Variants in CYGB observed in about 807,000 individuals in gnomAD.
The protein encoded by CYGB is histoglobin.
A neutral mutation model predicts 20.7 loss-of-function variants in CYGB; 13 were observed. That is an observed-to-expected ratio of 0.63 (90% CI 0.41 to 1.00). CYGB has a LOEUF of 1.00. CYGB is among the 50% of genes least tolerant of loss of function. The pLI is 0.00. For missense variants in CYGB, 218 were observed against 257.2 expected (o/e 0.85, Z 1.04); for synonymous variants, 93 against 107.4 (o/e 0.87, Z 0.83).
At chr17:76,542,793 C>T (rs896865855) in intron 1 of CYGB, among the ~76,000 whole-genome samples, 3 of 152,220 alleles carry the variant, frequency 2.0e-5, no homozygotes, top group Non-Finnish European at 4.4e-5. Context: ...CCTTTGGCTG[C>T]TACCTTGAGC....
chr17:76,544,241 C>A (rs1275409168), intron 1 of CYGB: 1 of 454,586 alleles, frequency 2.2e-6, no homozygotes, highest in East Asian at 6.9e-5. Context: ...GCCAGCCCCC[C>A]TCCCAGCCCA....
rs988621145 is a variant in CYGB, at chr17:76,537,641, G to A, written c.-99C>T. 5.2e-6 allele frequency: 5 copies of A among 966,938 alleles called. No individual in the cohort carries two copies. In the African/African-American group the frequency reaches 7.1e-5, roughly 14 times the overall value. 59.9% of individuals were successfully genotyped at this position (966,938 alleles called of 1,614,324 possible). ...CCGGGAGCCGGGGCCGGCTGCGTGC[G>A]CGGCGGGCGGGCGAGGGGTAGAGCG... On this transcript the variant is annotated 5_prime_UTR_variant, in exon 1 of 4. Transcript: ENST00000293230.
At chr17:76,544,192 AC>A (rs777880280) in intron 1 of CYGB, 5 of 449,430 alleles carry the variant, frequency 1.1e-5, no homozygotes, top group East Asian at 7.0e-5. Flanking sequence ...GTCTTCAAAA[AC>A]CCCCCGTGCC....
chr17:76,542,748 C>T, intron 1 of CYGB: 2 of 721,590 alleles, frequency 2.8e-6, no homozygotes, highest in Non-Finnish European at 5.0e-6. Context: ...GCTCTTGCCA[C>T]TGATGGAGGT....
At chr17:76,534,799 G>C (rs2074897262) in intron 1 of CYGB, among the ~76,000 whole-genome samples, 1 of 152,188 alleles carries the variant, frequency 6.6e-6, no homozygotes, top group African/African-American at 2.4e-5. Flanking sequence ...ACCCACCACC[G>C]GGTTGTGGCC....
In CYGB at chr17:76,527,783, G is replaced by A. The variant is rs779565357; in HGVS notation, c.*795C>T. 3.1e-5 allele frequency: 14 copies of A among 454,010 alleles called. No homozygotes were observed. Among genetic ancestry groups the A allele is most frequent in the African/African-American group, 2.2e-4 (11 of 50,112 alleles). 28.1% of individuals were successfully genotyped at this position (454,010 alleles called of 1,614,324 possible). A position where few individuals can be genotyped will look rare whatever the true frequency, so the allele number is the denominator to read the frequency against. On this transcript the variant is annotated 3_prime_UTR_variant, in exon 4 of 4. Coordinates refer to ENST00000293230, the MANE Select transcript of CYGB (RefSeq NM_134268.5). ...TGGACTGAGGCCCCTCCCCCAGTGC[G>A]GTCATCCCACCCAGAACTTCGCTCT...
At chr17:76,529,443 G>A (rs2074807618) in intron 3 of CYGB, 3 of 985,468 alleles carry the variant, frequency 3.0e-6, no homozygotes, top group African/African-American at 1.7e-5. Flanking sequence ...TAGTCCCTAG[G>A]GCAGGGTGGG....
At chr17:76,548,021 TAC>T (rs1006860390) in intron 1 of CYGB, among the ~76,000 whole-genome samples, 11 of 151,042 alleles carry the variant, frequency 7.3e-5, no homozygotes, top group South Asian at 2.1e-4. Flanking sequence ...TACACATGCA[TAC>T]ACAGACATAC....
chr17:76,540,987 G>A (rs1368469851), upstream of CYGB, among the ~76,000 whole-genome samples: 2 of 152,182 alleles, frequency 1.3e-5, no homozygotes, highest in African/African-American at 2.4e-5. The surrounding 1 kb of genome is among the most constrained non-coding windows in gnomAD (Gnocchi z 5.0). Context: ...AGCAGGATTC[G>A]CTGTCCAGTC....
rs939688942 is a variant in CYGB, at chr17:76,530,741, C to G, written c.539+238G>C. Among the ~76,000 whole-genome samples, 4 of 152,130 alleles carry G rather than the reference C, an allele frequency of 2.6e-5. No individual in the cohort carries two copies. Among genetic ancestry groups the G allele is most frequent in the Admixed American group, 2.6e-4 (4 of 15,270 alleles). On this transcript the variant is annotated intron_variant, in intron 3 of 3. Coordinates refer to ENST00000293230, the MANE Select transcript of CYGB (RefSeq NM_134268.5). This position sits in a 1 kb window ranked among gnomAD's most constrained non-coding sequence, Gnocchi z 6.1. The stretch of plus-strand genomic sequence containing the variant: ...CCTGGCTCTAGGGAAGGGGAAGGCT[C>G]TTTGGGAGGATTTTTGCTCAGGGCT...
intron 1 of CYGB, among the ~76,000 whole-genome samples, chr17:76,534,595 C>T (rs1598206079): frequency 6.6e-6 from 1 of 152,362 alleles, no homozygotes; most frequent in South Asian, 2.1e-4. Context: ...CCTTGCAATT[C>T]TCTCCTGAGG....
chr17:76,542,166 C>T (rs147639061), upstream of CYGB, among the ~76,000 whole-genome samples: 2 of 152,282 alleles, frequency 1.3e-5, no homozygotes, highest in Non-Finnish European at 2.9e-5. Context: ...CGATTCCAGG[C>T]AGGGTCTCTT....
chr17:76,531,254 C>G lies in CYGB; in HGVS notation c.376-112G>C, dbSNP rs1486301204. On this transcript the variant is annotated intron_variant, in intron 2 of 3. Coordinates refer to ENST00000293230, the MANE Select transcript of CYGB (RefSeq NM_134268.5). The surrounding 1 kb of genome is among the most constrained non-coding windows in gnomAD (Gnocchi z 7.4). ...AGAGGATCATTCCTAACGCAACAGT[C>G]TGGCAGCTTTGGGAACCCCGTGCTC... 8.4e-6 allele frequency: 11 copies of G among 1,314,638 alleles called. No individual in the cohort carries two copies. Among genetic ancestry groups the G allele is most frequent in the Non-Finnish European group, 1.1e-5 (11 of 956,534 alleles). 81.4% of individuals were successfully genotyped at this position (1,314,638 alleles called of 1,614,324 possible).
At position 76,531,178 on chromosome 17, in the gene CYGB, G is replaced by C. The variant is rs370736433; in HGVS notation, c.376-36C>G. 894 of 1,595,690 alleles carry C rather than the reference G, an allele frequency of 5.6e-4. 1 individual carries two copies. The highest frequency in any genetic ancestry group is 7.3e-4 in the Non-Finnish European group (856 of 1,168,354). On this transcript the variant is annotated intron_variant, in intron 2 of 3. Transcript: ENST00000293230. This position sits in a 1 kb window ranked among gnomAD's most constrained non-coding sequence, Gnocchi z 7.4. The stretch of plus-strand genomic sequence containing the variant: ...AGGGAGGAAGGGGGAGTGAACGCCC[G>C]GGCGCCCTGCGTCCTGCAACCCCCA...
In CYGB at chr17:76,531,192, C is replaced by T; in HGVS notation, c.376-50G>A. On this transcript the variant is annotated intron_variant, in intron 2 of 3. Coordinates refer to ENST00000293230, the MANE Select transcript of CYGB (RefSeq NM_134268.5). This position sits in a 1 kb window ranked among gnomAD's most constrained non-coding sequence, Gnocchi z 7.4. ...AGTGAACGCCCGGGCGCCCTGCGTC[C>T]TGCAACCCCCAGGCCCCTCCGCCCC... 3.2e-6 allele frequency: 5 copies of T among 1,574,636 alleles called. No individual in the cohort carries two copies. The highest frequency in any genetic ancestry group is 4.3e-6 in the Non-Finnish European group (5 of 1,153,330).
upstream of CYGB, chr17:76,537,711 T>A (rs1417698924): frequency 9.1e-6 from 4 of 437,752 alleles, no homozygotes; most frequent in Non-Finnish European, 1.2e-5. Context: ...TGTGTGTGTG[T>A]GTGTGCGTGC....
Position 76,528,457 on chromosome 17 carries a change from G to A in CYGB, c.*121C>T. 1 of 971,306 alleles carries A rather than the reference G, an allele frequency of 1.0e-6. No individual in the cohort carries two copies. Among genetic ancestry groups the A allele is most frequent in the Non-Finnish European group, 1.4e-6 (1 of 730,270 alleles). The allele number at this position is 971,306 out of a possible 1,614,324, so 60.2% of individuals were successfully genotyped here. The stretch of plus-strand genomic sequence containing the variant: ...GGCCGCCACAGAGGCCTCCTTCGGG[G>A]AAGTTGAGTCAGGGATTCCTCCAGC... On this transcript the variant is annotated 3_prime_UTR_variant, in exon 4 of 4. Transcript: ENST00000293230. This position sits in a 1 kb window ranked among gnomAD's most constrained non-coding sequence, Gnocchi z 5.8.
At position 76,533,431 on chromosome 17, in the gene CYGB, AAAT is replaced by A. The variant is rs2074872386; in HGVS notation, c.144-1743_144-1741del. Among the ~76,000 whole-genome samples the A allele has an allele frequency of 6.6e-6, 1 of 152,240 alleles. No individual in the cohort carries two copies. Among genetic ancestry groups the A allele is most frequent in the Non-Finnish European group, 1.5e-5 (1 of 68,048 alleles). ...TTGGAGGTTTTACAATTGCAATAAA[AAAT>A]AATGATATGGCCGGGCACGGTGGCT... On this transcript the variant is annotated intron_variant, in intron 1 of 3. Coordinates refer to ENST00000293230, the MANE Select transcript of CYGB (RefSeq NM_134268.5). The surrounding 1 kb of genome is among the most constrained non-coding windows in gnomAD (Gnocchi z 4.5).
intron 1 of CYGB, chr17:76,544,469 G>A: frequency 2.2e-6 from 1 of 455,570 alleles, no homozygotes; most frequent in Non-Finnish European, 4.4e-6. Flanking sequence ...ACCTCGGGGA[G>A]CCTGGCTGGG....
Sources: gnomAD v4.1 joint callset for allele counts (sites outside exome capture counted in the v4.1 genomes callset) on GRCh38, gnomAD v4.1.1 for gene constraint, Gnocchi (gnomAD v3.1) non-coding constraint, MANE v1.5 for transcripts, NCBI Gene and HGNC (gene_info 2026-07-23, HGNC 2026-07-21) for gene names.